Variants in CCDC191 observed in about 807,000 individuals in gnomAD.
The protein encoded by CCDC191 is coiled-coil domain containing 191.
Under a neutral mutation model 114.0 loss-of-function variants are expected in CCDC191, and 99 were observed. The ratio of observed to expected loss-of-function variants is 0.87; its 90% CI spans 0.74 to 1.03. CCDC191 has a LOEUF of 1.03. CCDC191 is among the 50% of genes least tolerant of loss of function. CCDC191 has a pLI of 0.00. For missense variants in CCDC191, 973 were observed against 1,087.0 expected, an observed-to-expected ratio of 0.90 and a Z score of 1.47; for synonymous variants, 351 against 376.0, an observed-to-expected ratio of 0.93 and a Z score of 0.77.
intron 6 of CCDC191, among the ~76,000 whole-genome samples, chr3:114,032,503 T>C (rs1270876256): frequency 6.6e-6 from 1 of 152,174 alleles, no homozygotes; most frequent in African/African-American, 2.4e-5. Flanking sequence ...GTATAAAGTA[T>C]ATATTATTAA....
At chr3:113,994,410 G>A (rs1171653389) in intron 13 of CCDC191, among the ~76,000 whole-genome samples, 1 of 152,108 alleles carries the variant, frequency 6.6e-6, no homozygotes, top group Non-Finnish European at 1.5e-5. Context: ...ATGAGGATGT[G>A]CAACAAAAAG....
chr3:113,993,713 C>T (rs1340171104), intron 13 of CCDC191, among the ~76,000 whole-genome samples: 6 of 151,984 alleles, frequency 3.9e-5, no homozygotes, highest in Non-Finnish European at 8.8e-5. Context: ...GGTGAAACCA[C>T]GTCTCTACTA....
chr3:113,979,091 C>CTA, intron 14 of CCDC191, 81 bp from the exon 15 acceptor site: 1 of 1,306,854 alleles, frequency 7.7e-7, no homozygotes, highest in Non-Finnish European at 1.1e-6. Context: ...GGAAATGATG[C>CTA]TATAAAACAC....
At chr3:114,023,878 C>T (rs2076279566) in intron 7 of CCDC191, among the ~76,000 whole-genome samples, 1 of 151,878 alleles carries the variant, frequency 6.6e-6, no homozygotes, top group South Asian at 2.1e-4. Flanking sequence ...AACTAAAGAG[C>T]TTCTGCACAG....
intron 8 of CCDC191, among the ~76,000 whole-genome samples, chr3:114,014,431 A>G (rs977699736): frequency 1.3e-5 from 2 of 152,154 alleles, no homozygotes; most frequent in African/African-American, 4.8e-5. Context: ...ACAATTGAAC[A>G]TGATTAACAG....
intron 3 of CCDC191, among the ~76,000 whole-genome samples, chr3:114,044,752 T>C (rs1424679390): frequency 6.6e-6 from 1 of 152,236 alleles, no homozygotes; most frequent in Non-Finnish European, 1.5e-5. Context: ...TAACATTCAT[T>C]GGTAAATGGG....
At chr3:114,013,768 C>A (rs1435886656) in intron 8 of CCDC191, among the ~76,000 whole-genome samples, 2 of 152,152 alleles carry the variant, frequency 1.3e-5, no homozygotes, top group East Asian at 1.9e-4. Context: ...ATGAACCTTG[C>A]TGCCCAGGAT....
intron 9 of CCDC191, among the ~76,000 whole-genome samples, chr3:114,008,756 T>G (rs1233999933): frequency 6.6e-6 from 1 of 152,034 alleles, no homozygotes; most frequent in Non-Finnish European, 1.5e-5. Context: ...AGATATCAAA[T>G]AGAAAAATGG....
At chr3:114,018,515 A>C (rs2076197478) in intron 8 of CCDC191, among the ~76,000 whole-genome samples, 163 bp downstream of exon 8, 1 of 151,956 alleles carries the variant, frequency 6.6e-6, no homozygotes, top group East Asian at 1.9e-4. Flanking sequence ...ATTTTCAGTA[A>C]AATTTTCTAG....
chr3:114,028,956 A>G (rs1048083018), intron 7 of CCDC191, among the ~76,000 whole-genome samples: 6 of 151,034 alleles, frequency 4.0e-5, no homozygotes, highest in Non-Finnish European at 8.9e-5. Context: ...ATACACACAT[A>G]TATCTATGTA....
At chr3:114,029,207 T>C (rs1156771131) in intron 7 of CCDC191, among the ~76,000 whole-genome samples, 1 of 151,948 alleles carries the variant, frequency 6.6e-6, no homozygotes, top group Non-Finnish European at 1.5e-5. Flanking sequence ...GTGTCCAAAA[T>C]AGGATGGAAG....
At chr3:113,976,944 C>T (rs1479746474) in intron 16 of CCDC191, among the ~76,000 whole-genome samples, 1 of 152,186 alleles carries the variant, frequency 6.6e-6, no homozygotes, top group South Asian at 2.1e-4. Flanking sequence ...ACTTGCTTAT[C>T]TGTTTTCCCA....
At chr3:113,994,472 T>A (rs540526580) in intron 13 of CCDC191, among the ~76,000 whole-genome samples, 1 of 152,028 alleles carries the variant, frequency 6.6e-6, no homozygotes. Flanking sequence ...CTCTTTGGAA[T>A]AGAATTTGGC....
At chr3:114,022,164 G>A (rs1374777967) in intron 7 of CCDC191, among the ~76,000 whole-genome samples, 1 of 152,114 alleles carries the variant, frequency 6.6e-6, no homozygotes, top group Non-Finnish European at 1.5e-5. Flanking sequence ...TCATTTGGTT[G>A]TTAAGGATTC....
rs1007459139 is a variant in CCDC191, at chr3:113,964,507, G to A, written c.*648C>T. ...GCATGAACAGATAATTTAATGAATT[G>A]CTGGACTGTCATGATAGAGCTATTA... On this transcript the variant is annotated 3_prime_UTR_variant, in exon 17 of 17. Coordinates refer to ENST00000295878, the MANE Select transcript of CCDC191 (RefSeq NM_020817.2). 6.6e-6 allele frequency: 1 copy of A among 152,202 alleles called. No individual in the cohort carries two copies. 9.4% of individuals were successfully genotyped at this position (152,202 alleles called of 1,614,324 possible). A position where few individuals can be genotyped will look rare whatever the true frequency, so the allele number is the denominator to read the frequency against.
Position 114,005,524 on chromosome 3 carries a change from A to G in CCDC191, c.1852T>C (p.Cys618Arg). ...CAGACATACTTCACAAGCATCTGGC[A>G]GGTTCTTGGTTCCTCTTCTCTGGGC... ...SKPREEEPRT[C>R]QMLVNSPVAS... The change falls in exon 10 of 17, where the codon TGC becomes CGC. Residue 618 changes from cysteine (C) to arginine (R), a missense_variant. Transcript: ENST00000295878. 1 of 1,609,032 alleles carries G rather than the reference A, an allele frequency of 6.2e-7. No homozygotes were observed. Among genetic ancestry groups the G allele is most frequent in the Non-Finnish European group, 8.5e-7 (1 of 1,178,066 alleles).
At chr3:114,001,223 C>A (rs748954153) in intron 13 of CCDC191, among the ~76,000 whole-genome samples, 1 of 152,162 alleles carries the variant, frequency 6.6e-6, no homozygotes, top group Non-Finnish European at 1.5e-5. Context: ...GTTCCCTTAA[C>A]CCTTATGGAG....
chr3:114,031,808 A>G (rs1225864300), intron 6 of CCDC191, 29 bp from the exon 7 acceptor site: 11 of 964,824 alleles, frequency 1.1e-5, no homozygotes, highest in Non-Finnish European at 1.7e-5. Context: ...AAATACATGT[A>G]TATTTACAAT....
At chr3:114,024,285 A>G (rs2076286790) in intron 7 of CCDC191, among the ~76,000 whole-genome samples, 1 of 152,234 alleles carries the variant, frequency 6.6e-6, no homozygotes, top group African/African-American at 2.4e-5. Context: ...TGTGGAAGTC[A>G]GTGTGGCGAT....
Sources: allele counts gnomAD v4.1 joint callset (sites outside exome capture counted in the v4.1 genomes callset), GRCh38; gene constraint gnomAD v4.1.1; transcripts MANE v1.5; gene names NCBI Gene and HGNC (gene_info 2026-07-23, HGNC 2026-07-21).